Variants in DPH6 observed in about 807,000 individuals in gnomAD.
DPH6 encodes the protein diphthamine biosynthesis 6, also known as diphthine--ammonia ligase.
A neutral mutation model predicts 38.2 loss-of-function variants in DPH6; 33 were observed. The ratio of observed to expected loss-of-function variants is 0.86; its 90% confidence interval spans 0.65 to 1.15. The LOEUF (loss-of-function observed/expected upper bound fraction) is 1.15. Ranked by LOEUF, DPH6 falls within the 50% of genes most tolerant of loss-of-function variation. DPH6 has a pLI of 0.00. For missense variants in DPH6, 325 were observed against 320.0 expected (o/e 1.02, Z -0.12); for synonymous variants, 108 against 103.0 (o/e 1.05, Z -0.30).
At chr15:35,295,109 C>T (rs1013403982) in intron 3 of DPH6, among the ~76,000 whole-genome samples, 21 of 152,156 alleles carry the variant, frequency 1.4e-4, no homozygotes, top group Non-Finnish European at 2.4e-4. Flanking sequence ...AGCTAAGAAA[C>T]CAAGCCTGTG....
At chr15:35,500,081 T>C (rs547903433) in intron 3 of DPH6, among the ~76,000 whole-genome samples, 7 of 152,318 alleles carry the variant, frequency 4.6e-5, no homozygotes, top group Admixed American at 3.9e-4. Context: ...ACTCCTATCA[T>C]GAATGAGGAA....
At chr15:35,258,503 T>C (rs191171565) in intron 3 of DPH6, among the ~76,000 whole-genome samples, 3 of 152,202 alleles carry the variant, frequency 2.0e-5, no homozygotes, top group African/African-American at 7.2e-5. Context: ...AAATATTTCA[T>C]AAGTGAGGGA....
At chr15:35,339,623 C>G (rs576210810) in intron 3 of DPH6, among the ~76,000 whole-genome samples, 1 of 152,232 alleles carries the variant, frequency 6.6e-6, no homozygotes, top group East Asian at 1.9e-4. Flanking sequence ...CCATGTCCAG[C>G]CTAATTTCAT....
chr15:35,201,714 C>T, the DPH6 span, among the ~76,000 whole-genome samples: 1 of 151,628 alleles, frequency 6.6e-6, no homozygotes, highest in Admixed American at 6.6e-5. Context: ...GAGATTATTA[C>T]CACAAATTTA....
intron 3 of DPH6, among the ~76,000 whole-genome samples, chr15:35,242,140 A>G (rs318348): frequency 0.62 from 78,433 of 126,748 alleles, 27,278 homozygotes; most frequent in Non-Finnish European, 0.78. Context: ...ACCGCCGCAA[A>G]GCTTCACAGA....
chr15:35,265,918 T>A (rs2051781293), intron 3 of DPH6, among the ~76,000 whole-genome samples: 1 of 152,182 alleles, frequency 6.6e-6, no homozygotes, highest in Non-Finnish European at 1.5e-5. Context: ...GCTTTGTTGA[T>A]ATTGAAGTTT....
At chr15:35,488,494 G>T (rs9972406) in intron 3 of DPH6, among the ~76,000 whole-genome samples, 2 of 152,130 alleles carry the variant, frequency 1.3e-5, no homozygotes, top group African/African-American at 4.8e-5. Flanking sequence ...CATGGCAGCA[G>T]GAGAGCGAGT....
At chr15:35,397,869 A>ATACACACACG (rs1555398531) in intron 6 of DPH6, among the ~76,000 whole-genome samples, 34,902 of 108,276 alleles carry the variant, frequency 0.32, 4,739 homozygotes, top group South Asian at 0.45. Flanking sequence ...TTATATATAT[A>ATACACACACG]CACACACACA....
chr15:35,427,885 A>G (rs1241268566), intron 5 of DPH6, among the ~76,000 whole-genome samples: 2 of 152,062 alleles, frequency 1.3e-5, no homozygotes, highest in African/African-American at 2.4e-5. Flanking sequence ...CTTCCCTACA[A>G]TGGGGTTACC....
the DPH6 span, among the ~76,000 whole-genome samples, chr15:35,172,981 T>TA: frequency 5.3e-5 from 8 of 151,890 alleles, no homozygotes; most frequent in Admixed American, 1.3e-4. Context: ...AAGACTTTTA[T>TA]AAAAAAAATA....
the DPH6 span, among the ~76,000 whole-genome samples, chr15:35,156,843 T>C: frequency 3.3e-5 from 5 of 152,194 alleles, no homozygotes; most frequent in Non-Finnish European, 5.9e-5. Context: ...ATGGGAGTTG[T>C]CTATCACTGA....
intron 3 of DPH6, among the ~76,000 whole-genome samples, chr15:35,274,347 G>C (rs1428122046): frequency 6.6e-6 from 1 of 151,832 alleles, no homozygotes; most frequent in Non-Finnish European, 1.5e-5. Context: ...CACGGGCAAA[G>C]ACTTCATAAC....
At chr15:35,275,454 G>A (rs2051851223) in intron 3 of DPH6, among the ~76,000 whole-genome samples, 1 of 152,126 alleles carries the variant, frequency 6.6e-6, no homozygotes, top group South Asian at 2.1e-4. Context: ...CACAGGAACA[G>A]AAAACCATAC....
the DPH6 span, among the ~76,000 whole-genome samples, chr15:35,179,204 CAAAAAA>C: frequency 0.025 from 1,242 of 50,610 alleles, 64 homozygotes; most frequent in Admixed American, 0.2. Context: ...ACAACTCTGT[CAAAAAA>C]AAAAAAAAAA....
intron 3 of DPH6, among the ~76,000 whole-genome samples, chr15:35,501,035 C>G (rs2054620127): frequency 6.6e-6 from 1 of 152,104 alleles, no homozygotes; most frequent in African/African-American, 2.4e-5. Flanking sequence ...GCCACCGTGC[C>G]CGGCCAATAA....
At chr15:35,535,501 A>G (rs2055154971) in intron 3 of DPH6, among the ~76,000 whole-genome samples, 1 of 152,222 alleles carries the variant, frequency 6.6e-6, no homozygotes, top group Non-Finnish European at 1.5e-5. Context: ...CCAGCAGAAC[A>G]GAAAGAATAT....
chr15:35,237,627 A>G, intron 3 of DPH6: 1 of 1,611,304 alleles, frequency 6.2e-7, no homozygotes, highest in Non-Finnish European at 8.5e-7. Flanking sequence ...AACAAAATTA[A>G]AGACCTCAGC....
At chr15:35,397,927 C>T (rs974731983) in intron 6 of DPH6, among the ~76,000 whole-genome samples, 14 of 132,374 alleles carry the variant, frequency 1.1e-4, no homozygotes, top group Admixed American at 3.1e-4. Flanking sequence ...GATTCTGAGA[C>T]CTCTAGCTAT....
chr15:35,188,616 T>G, the DPH6 span, among the ~76,000 whole-genome samples: 1 of 152,200 alleles, frequency 6.6e-6, no homozygotes, highest in African/African-American at 2.4e-5. Flanking sequence ...GGTCTCTCCT[T>G]CTGCCTTCTG....
Sources: gnomAD v4.1 joint callset for allele counts (sites outside exome capture counted in the v4.1 genomes callset) on GRCh38, gnomAD v4.1.1 for gene constraint, MANE v1.5 for transcripts, NCBI Gene and HGNC (gene_info 2026-07-23, HGNC 2026-07-21) for gene names.